IL1RAPL2: variants seen among roughly 807,000 people sequenced by gnomAD.
IL1RAPL2 encodes the protein interleukin 1 receptor accessory protein like 2, also known as X-linked interleukin-1 receptor accessory protein-like 2.
In IL1RAPL2, 3 loss-of-function variants were observed where a neutral mutation model predicts 44.1. The ratio of observed to expected loss-of-function variants is 0.07; its 90% CI spans 0.03 to 0.18. The LOEUF (loss-of-function observed/expected upper bound fraction) is 0.18, where lower values mean the gene tolerates loss of function less well. IL1RAPL2 is among the 10% of genes least tolerant of loss of function. IL1RAPL2 has a pLI of 1.00. For missense variants in IL1RAPL2, 391 were observed against 496.4 expected (o/e 0.79, Z 2.02); for synonymous variants, 181 against 178.8 (o/e 1.01, Z -0.10).
intron 6 of IL1RAPL2, among the ~76,000 whole-genome samples, chrX:105,518,434 A>G (rs1461505840): frequency 9.0e-6 from 1 of 111,600 alleles, no homozygotes; most frequent in Admixed American, 9.6e-5. Context: ...CCAAAGAAAT[A>G]TTAGTAACAA....
At chrX:105,591,587 C>G (rs1344936368) in intron 6 of IL1RAPL2, among the ~76,000 whole-genome samples, 1 of 111,242 alleles carries the variant, frequency 9.0e-6, no homozygotes, top group Non-Finnish European at 1.9e-5. Flanking sequence ...GCTGCTTTAG[C>G]TGTGTCCCAG....
chrX:105,402,625 C>T (rs1210861866), intron 5 of IL1RAPL2, among the ~76,000 whole-genome samples: 1 of 111,220 alleles, frequency 9.0e-6, no homozygotes, highest in Non-Finnish European at 1.9e-5. Flanking sequence ...TCATGGGCTG[C>T]TTTGGCTTTG....
At chrX:105,639,630 A>G (rs944873682) in intron 6 of IL1RAPL2, among the ~76,000 whole-genome samples, 1 of 111,574 alleles carries the variant, frequency 9.0e-6, no homozygotes, top group African/African-American at 3.3e-5. Flanking sequence ...AAAAGGTTTT[A>G]ATTTTATAAT....
intron 2 of IL1RAPL2, among the ~76,000 whole-genome samples, chrX:104,890,054 G>T (rs1471855081): frequency 1.8e-5 from 2 of 111,180 alleles, no homozygotes; most frequent in Admixed American, 9.5e-5. Context: ...GCAGTGTTTG[G>T]TTTTTTGTCC....
At chrX:105,576,535 A>G (rs1017565459) in intron 6 of IL1RAPL2, among the ~76,000 whole-genome samples, 2 of 111,492 alleles carry the variant, frequency 1.8e-5, no homozygotes, top group Admixed American at 1.9e-4. Context: ...ATGCTCTACA[A>G]GCACATCCCC....
At chrX:105,670,761 T>G (rs2037817702) in intron 6 of IL1RAPL2, among the ~76,000 whole-genome samples, 1 of 109,456 alleles carries the variant, frequency 9.1e-6, no homozygotes, top group Non-Finnish European at 1.9e-5. Flanking sequence ...GATTCATTTA[T>G]TCAGTGTTCC....
At chrX:104,630,777 A>G (rs1475649600) in intron 1 of IL1RAPL2, among the ~76,000 whole-genome samples, 1 of 109,539 alleles carries the variant, frequency 9.1e-6, no homozygotes, top group African/African-American at 3.3e-5. Flanking sequence ...AATTATTCCT[A>G]TGCATGAGCA....
At chrX:105,407,308 G>A (rs1186060777) in intron 5 of IL1RAPL2, among the ~76,000 whole-genome samples, 1 of 110,615 alleles carries the variant, frequency 9.0e-6, no homozygotes, top group African/African-American at 3.3e-5. Flanking sequence ...AACGGGGTAG[G>A]GGGGTTTACC....
intron 6 of IL1RAPL2, among the ~76,000 whole-genome samples, chrX:105,567,188 A>T (rs954596326): frequency 5.4e-5 from 6 of 111,721 alleles, no homozygotes; most frequent in African/African-American, 2.0e-4. Context: ...TTATCCATCC[A>T]AGATAAAAGA....
At chrX:104,949,027 A>G (rs1925483167) in intron 2 of IL1RAPL2, among the ~76,000 whole-genome samples, 1 of 109,873 alleles carries the variant, frequency 9.1e-6, no homozygotes, top group African/African-American at 3.3e-5. Context: ...GGTAGAATTC[A>G]GCTGTGAATC....
chrX:105,072,688 G>A (rs1453774892), intron 2 of IL1RAPL2, among the ~76,000 whole-genome samples: 3 of 110,125 alleles, frequency 2.7e-5, no homozygotes, highest in African/African-American at 9.9e-5. Flanking sequence ...TGTAGAGGAC[G>A]TGCAGTATTG....
intron 5 of IL1RAPL2, among the ~76,000 whole-genome samples, chrX:105,405,131 G>A (rs924681638): frequency 2.7e-5 from 3 of 111,548 alleles, no homozygotes; most frequent in African/African-American, 9.8e-5. Context: ...GACATGTTTA[G>A]TTTGATTTTT....
At chrX:105,347,897 G>T (rs1053122454) in intron 5 of IL1RAPL2, among the ~76,000 whole-genome samples, 2 of 111,049 alleles carry the variant, frequency 1.8e-5, no homozygotes, top group African/African-American at 6.6e-5. Context: ...TGTCCTCTGG[G>T]GAGCAAAATT....
chrX:104,807,913 T>C, intron 2 of IL1RAPL2, among the ~76,000 whole-genome samples: 1 of 112,003 alleles, frequency 8.9e-6, no homozygotes, highest in East Asian at 2.8e-4. Context: ...AATTCAATTA[T>C]CTAACTTCAT....
chrX:105,171,686 T>C (rs976245501), intron 2 of IL1RAPL2, among the ~76,000 whole-genome samples: 1 of 95,391 alleles, frequency 1.0e-5, no homozygotes, highest in Non-Finnish European at 1.9e-5. Context: ...CGGACTCAAA[T>C]AGTCAAAAAC....
At chrX:104,618,227 G>A (rs1463847322) in intron 1 of IL1RAPL2, among the ~76,000 whole-genome samples, 1 of 111,721 alleles carries the variant, frequency 9.0e-6, no homozygotes, top group African/African-American at 3.3e-5. Flanking sequence ...CAATGCAGTG[G>A]GGTATGTACT....
At chrX:105,063,672 T>C (rs754755716) in intron 2 of IL1RAPL2, among the ~76,000 whole-genome samples, 1 of 111,942 alleles carries the variant, frequency 8.9e-6, no homozygotes. Context: ...TCTGGGTTTC[T>C]TTTGTACTCA....
chrX:104,594,709 G>A lies in IL1RAPL2; in HGVS notation c.-20+27658G>A, dbSNP rs182418827. ...ATGAAGCTGTGATAGAGAGTAATGGGGACAGCTACCAACTTTAGAGTAATT... is the reference window on the plus strand; with the variant it reads ...ATGAAGCTGTGATAGAGAGTAATGGAGACAGCTACCAACTTTAGAGTAATT... On this transcript the variant is annotated intron_variant, in intron 1 of 10. Coordinates refer to ENST00000372582, the MANE Select transcript of IL1RAPL2 (RefSeq NM_017416.2). Among the ~76,000 whole-genome samples, 3 of 111,531 alleles carry A rather than the reference G, an allele frequency of 2.7e-5. No homozygotes were observed. The East Asian group carries it at 8.5e-4, about 31-fold the overall frequency.
chrX:105,610,045 T>G (rs747615221), intron 6 of IL1RAPL2, among the ~76,000 whole-genome samples: 1 of 111,869 alleles, frequency 8.9e-6, no homozygotes, highest in Non-Finnish European at 1.9e-5. Flanking sequence ...AAAGAGGCTG[T>G]CTGCTTGCCT....
Sources: allele counts gnomAD v4.1 joint callset (sites outside exome capture counted in the v4.1 genomes callset), GRCh38; gene constraint gnomAD v4.1.1; transcripts MANE v1.5; gene names NCBI Gene and HGNC (gene_info 2026-07-23, HGNC 2026-07-21).